Variants in ST18 observed in about 807,000 individuals in gnomAD.
ST18 encodes ST18 C2H2C-type zinc finger transcription factor.
In ST18, 50 loss-of-function variants were observed where a neutral mutation model predicts 110.0. The ratio of observed to expected loss-of-function variants is 0.45; its 90% confidence interval spans 0.36 to 0.58. ST18 has a LOEUF of 0.58. Among genes scored for constraint, ST18 ranks in the 20% least tolerant of loss-of-function variants. The pLI is 0.00. For missense variants in ST18, 1,306 were observed against 1,280.1 expected, an observed-to-expected ratio of 1.02 and a Z score of -0.31; for synonymous variants, 461 against 452.4, an observed-to-expected ratio of 1.02 and a Z score of -0.24.
intron 2 of ST18, among the ~76,000 whole-genome samples, chr8:52,233,790 CT>C (rs1170471818): frequency 6.6e-6 from 1 of 152,100 alleles, no homozygotes; most frequent in African/African-American, 2.4e-5. Context: ...GGGAATCTGA[CT>C]TTTTTGGTTT....
At chr8:52,251,652 C>T (rs1337251320) in intron 2 of ST18, among the ~76,000 whole-genome samples, 2 of 151,990 alleles carry the variant, frequency 1.3e-5, no homozygotes, top group Admixed American at 6.6e-5. Flanking sequence ...GTCCAGATTT[C>T]AGTTTGTGTT....
intron 2 of ST18, among the ~76,000 whole-genome samples, chr8:52,312,258 G>A (rs923657525): frequency 1.8e-4 from 27 of 152,208 alleles, no homozygotes; most frequent in African/African-American, 4.8e-4. Context: ...GGGTCCAGAT[G>A]TGGAGAGGGG....
intron 2 of ST18, among the ~76,000 whole-genome samples, chr8:52,284,101 G>T (rs183089502): frequency 3.3e-3 from 505 of 152,318 alleles, no homozygotes; most frequent in Middle Eastern, 0.017. Context: ...ATTTTGTCAA[G>T]AAAGCGAGAT....
intron 2 of ST18, among the ~76,000 whole-genome samples, chr8:52,357,307 G>A (rs1823191048): frequency 6.6e-6 from 1 of 151,942 alleles, no homozygotes; most frequent in East Asian, 1.9e-4. Flanking sequence ...TAGAAAACTG[G>A]CAGAAGTAAG....
intron 8 of ST18, among the ~76,000 whole-genome samples, chr8:52,198,983 C>A (rs2135383249): frequency 6.6e-6 from 1 of 152,278 alleles, no homozygotes; most frequent in Admixed American, 6.5e-5. Context: ...TAGGCTTAGC[C>A]CCAACACTGC....
At chr8:52,175,514 C>A (rs2066577388) in intron 9 of ST18, among the ~76,000 whole-genome samples, 1 of 152,156 alleles carries the variant, frequency 6.6e-6, no homozygotes, top group Admixed American at 6.5e-5. Context: ...TGGCCTGGCA[C>A]TACCTGCTGT....
intron 2 of ST18, among the ~76,000 whole-genome samples, chr8:52,244,845 A>G (rs1315649597): frequency 6.6e-6 from 1 of 152,238 alleles, no homozygotes; most frequent in African/African-American, 2.4e-5. Context: ...AATTTCTACT[A>G]AAGTAAGGGA....
At chr8:52,392,289 G>A (rs906681847) in intron 2 of ST18, among the ~76,000 whole-genome samples, 1 of 152,142 alleles carries the variant, frequency 6.6e-6, no homozygotes, top group Non-Finnish European at 1.5e-5. Context: ...GATGGTGACG[G>A]TGGTGGTAAG....
At chr8:52,366,605 C>T (rs146329727) in intron 2 of ST18, among the ~76,000 whole-genome samples, 9 of 152,304 alleles carry the variant, frequency 5.9e-5, no homozygotes, top group East Asian at 1.9e-4. Context: ...CGGGACCCAT[C>T]GCTTCATCTG....
intron 8 of ST18, among the ~76,000 whole-genome samples, chr8:52,198,287 G>A (rs1293356551): frequency 6.6e-6 from 1 of 152,192 alleles, no homozygotes; most frequent in Non-Finnish European, 1.5e-5. Context: ...TTACAGGCAT[G>A]AGCCACTGCG....
At chr8:52,364,387 G>A (rs6996763) in intron 2 of ST18, among the ~76,000 whole-genome samples, 23,660 of 152,118 alleles carry the variant, frequency 0.16, 3,010 homozygotes, top group African/African-American at 0.35. Flanking sequence ...GGTTCATGAT[G>A]TCTTTCTCGC....
At chr8:52,171,177 C>T (rs575433487) in intron 10 of ST18, among the ~76,000 whole-genome samples, 14 of 152,206 alleles carry the variant, frequency 9.2e-5, no homozygotes, top group African/African-American at 2.4e-4. Flanking sequence ...TGCAAGACTC[C>T]GGGGAGAAAG....
At position 52,180,232 on chromosome 8, in the gene ST18, G is replaced by A; in HGVS notation, c.167C>T (p.Ser56Phe). 1 of 1,614,154 alleles carries A rather than the reference G, an allele frequency of 6.2e-7. No homozygotes were observed. The change falls in exon 9 of 26, where the codon TCC becomes TTC. Residue 56 changes from serine (S) to phenylalanine (F), a missense_variant. Transcript: ENST00000689386. ...ALGVPVNKRK[S>F]LLMKPRHYSP... ...GTAGTGTCGGGGCTTCATTAGCAGG[G>A]ATTTCCTTTTGTTGACTGGAACCCC...
At chr8:52,387,477 T>C (rs746308206) in intron 2 of ST18, among the ~76,000 whole-genome samples, 1 of 152,296 alleles carries the variant, frequency 6.6e-6, no homozygotes, top group Non-Finnish European at 1.5e-5. Context: ...GAGATCATAC[T>C]TCTCTTGAAC....
intron 8 of ST18, among the ~76,000 whole-genome samples, chr8:52,206,102 C>T (rs887759635): frequency 1.3e-5 from 2 of 152,194 alleles, no homozygotes; most frequent in African/African-American, 4.8e-5. Flanking sequence ...AGTCCTGTCT[C>T]TGATTCAGTC....
chr8:52,205,098 TAC>T (rs60070901), intron 8 of ST18, among the ~76,000 whole-genome samples: 117 of 148,780 alleles, frequency 7.9e-4, no homozygotes, highest in South Asian at 4.5e-3. Flanking sequence ...CATATATATA[TAC>T]ACACACACAC....
At position 52,163,989 on chromosome 8, in the gene ST18, T is replaced by A. The variant is rs769387096; in HGVS notation, c.1397A>T (p.His466Leu). 24 of 1,612,902 alleles carry A rather than the reference T, an allele frequency of 1.5e-5. No individual in the cohort carries two copies. The Middle Eastern group carries it at 9.9e-4, about 66-fold the overall frequency. Residue 466 changes from histidine to leucine, a missense_variant, in exon 13 of 26, where the codon CAC (histidine) becomes CTC (leucine). Physicochemically the swap from His to Leu is moderately conservative, Grantham distance 99. Transcript: ENST00000689386. ...GAACATCGTTAGGGGTTCATACCTG[T>A]GGGCCTGGTCAGGACACTGCCCAGT... ...PQTGQCPDQA[H>L]RTSLVKQIEF...
chr8:52,395,708 G>A (rs1362643260), intron 2 of ST18, among the ~76,000 whole-genome samples: 1 of 152,196 alleles, frequency 6.6e-6, no homozygotes, highest in Non-Finnish European at 1.5e-5. Flanking sequence ...TTCATATCCT[G>A]CCTGGCCACT....
chr8:52,307,597 A>G (rs975218761), intron 2 of ST18, among the ~76,000 whole-genome samples: 1 of 152,220 alleles, frequency 6.6e-6, no homozygotes, highest in African/African-American at 2.4e-5. Context: ...AATTGTGAAA[A>G]TTTAGAAAAA....
Sources: gnomAD v4.1 joint callset for allele counts (sites outside exome capture counted in the v4.1 genomes callset) on GRCh38, gnomAD v4.1.1 for gene constraint, MANE v1.5 for transcripts, NCBI Gene and HGNC (gene_info 2026-07-23, HGNC 2026-07-21) for gene names.